The following PARD3 variants were observed in gnomAD, a reference collection of about 807,000 sequenced individuals.
PARD3 encodes partitioning defective 3 homolog.
In PARD3, 75 loss-of-function variants were observed where a neutral mutation model predicts 155.4. The observed-to-expected ratio is 0.48, with a 90% confidence interval of 0.40 to 0.58. The LOEUF (loss-of-function observed/expected upper bound fraction) is 0.58, where lower values mean the gene tolerates loss of function less well. Among genes scored for constraint, PARD3 ranks in the 20% least tolerant of loss-of-function variants. The pLI, the probability that PARD3 is intolerant of heterozygous loss-of-function variation, is 0.00. For missense variants in PARD3, 1,642 were observed against 1,721.7 expected, an observed-to-expected ratio of 0.95 and a Z score of 0.82; for synonymous variants, 576 against 610.5, an observed-to-expected ratio of 0.94 and a Z score of 0.83.
chr10:34,561,431 A>ATATTC (rs1234636270), intron 2 of PARD3, among the ~76,000 whole-genome samples: 14 of 152,200 alleles, frequency 9.2e-5, no homozygotes, highest in Non-Finnish European at 2.9e-5. Flanking sequence ...TATTCATTAA[A>ATATTC]ACTGGGTACA....
chr10:34,501,463 A>G (rs1743517741), intron 3 of PARD3, among the ~76,000 whole-genome samples: 1 of 152,166 alleles, frequency 6.6e-6, no homozygotes, highest in South Asian at 2.1e-4. Context: ...CAGAACAGTG[A>G]GCCAATGAAA....
rs1467561582 is a variant in PARD3, at chr10:34,395,863, A to G, written c.890+3467T>C. Among the ~76,000 whole-genome samples, 13 of 30,198 alleles carry G rather than the reference A, an allele frequency of 4.3e-4. 5 individuals carry two copies. Among genetic ancestry groups the G allele is most frequent in the African/African-American group, 2.2e-3 (2 of 902 alleles). The allele number at this position is 30,198 out of a possible 152,430, so 19.8% of individuals were successfully genotyped here. ...CGTCTCAAAAAAAAAAAAAAAAAAAAAAAAGAAAAACATCATCATGGGGAA... is the reference window on the plus strand; with the variant it reads ...CGTCTCAAAAAAAAAAAAAAAAAAAGAAAAGAAAAACATCATCATGGGGAA... On this transcript the variant is annotated intron_variant, in intron 7 of 24. Transcript: ENST00000374788.
intron 7 of PARD3, among the ~76,000 whole-genome samples, chr10:34,391,846 C>G (rs146388986): frequency 6.6e-6 from 1 of 152,106 alleles, no homozygotes; most frequent in Non-Finnish European, 1.5e-5. Context: ...AACTCAAAAA[C>G]GCAAAACATT....
intron 12 of PARD3, among the ~76,000 whole-genome samples, chr10:34,361,578 T>C (rs1010185136): frequency 2.6e-5 from 4 of 152,202 alleles, no homozygotes; most frequent in African/African-American, 9.7e-5. Context: ...GGCATAAACA[T>C]GCAATCTCAG....
intron 2 of PARD3, among the ~76,000 whole-genome samples, chr10:34,596,608 C>T (rs1014725010): frequency 1.3e-5 from 2 of 152,290 alleles, no homozygotes; most frequent in African/African-American, 4.8e-5. Context: ...TCACCCTCCA[C>T]GAGTTCCCTT....
chr10:34,194,426 ACTC>A (rs1950849566), intron 22 of PARD3, among the ~76,000 whole-genome samples: 1 of 152,140 alleles, frequency 6.6e-6, no homozygotes, highest in East Asian at 1.9e-4. Context: ...CCTGTGCCTC[ACTC>A]CTCCTGATGT....
At chr10:34,419,516 CA>C (rs973170375) in intron 5 of PARD3, among the ~76,000 whole-genome samples, 1 of 147,372 alleles carries the variant, frequency 6.8e-6, no homozygotes, top group African/African-American at 2.5e-5. Context: ...GACTCCGTCT[CA>C]AAAAAAAAGA....
At chr10:34,506,654 A>G (rs1298142335) in intron 3 of PARD3, among the ~76,000 whole-genome samples, 1 of 152,208 alleles carries the variant, frequency 6.6e-6, no homozygotes, top group East Asian at 1.9e-4. Context: ...GATCACTTAC[A>G]TGTTATTAAT....
intron 2 of PARD3, among the ~76,000 whole-genome samples, chr10:34,613,806 G>A (rs1334214890): frequency 6.6e-6 from 1 of 152,110 alleles, no homozygotes; most frequent in Admixed American, 6.5e-5. Context: ...AACCAACTAG[G>A]GTGAATGTGG....
At chr10:34,532,215 A>T (rs1373737698) in intron 2 of PARD3, among the ~76,000 whole-genome samples, 3 of 152,106 alleles carry the variant, frequency 2.0e-5, no homozygotes, top group Admixed American at 2.0e-4. Context: ...CTATATATAT[A>T]TTTTACACAT....
chr10:34,166,028 A>G (rs1564448118), intron 22 of PARD3, among the ~76,000 whole-genome samples: 1 of 152,192 alleles, frequency 6.6e-6, no homozygotes, highest in Non-Finnish European at 1.5e-5. Context: ...TGTTTTTAAA[A>G]TCAGTCACTT....
intron 5 of PARD3, among the ~76,000 whole-genome samples, chr10:34,434,187 G>A (rs1046823859): frequency 3.9e-5 from 6 of 152,316 alleles, no homozygotes; most frequent in Admixed American, 2.6e-4. Context: ...GAACAGGGTA[G>A]ATCTGGAGAC....
At chr10:34,344,847 G>A in intron 15 of PARD3, 7 of 985,342 alleles carry the variant, frequency 7.1e-6, no homozygotes, top group Non-Finnish European at 7.2e-6. Context: ...AGAAAAACAT[G>A]CATCCAAATT....
At chr10:34,576,405 T>G in intron 2 of PARD3, among the ~76,000 whole-genome samples, 1 of 151,978 alleles carries the variant, frequency 6.6e-6, no homozygotes, top group East Asian at 1.9e-4. Flanking sequence ...AAGGAATCTT[T>G]AAAAATAAAT....
rs145790133 is a variant in PARD3, at chr10:34,134,333, AG to A, written c.3420-2751del. On this transcript the variant is annotated intron_variant, in intron 22 of 24. Transcript: ENST00000374788. ...ATAGCTTTTATGGGAGGATTATAGG[AG>A]GTTTGACTGACAAAGTATTTTACAA... is the stretch of plus-strand genomic sequence containing the variant. 5.4e-3 allele frequency among the ~76,000 whole-genome samples: 817 copies of A among 152,300 alleles called. 3 individuals are homozygous for A. Among genetic ancestry groups the A allele is most frequent in the African/African-American group, 0.018 (738 of 41,560 alleles).
chr10:34,140,313 A>G (rs1948118826), intron 22 of PARD3, among the ~76,000 whole-genome samples: 1 of 152,210 alleles, frequency 6.6e-6, no homozygotes, highest in Non-Finnish European at 1.5e-5. Flanking sequence ...GAGCAGTATT[A>G]TGCCTTTATC....
intron 24 of PARD3, among the ~76,000 whole-genome samples, chr10:34,113,524 TAGAC>T (rs1564401952): frequency 6.7e-6 from 1 of 148,242 alleles, no homozygotes; most frequent in Non-Finnish European, 1.5e-5. Flanking sequence ...CACACACACA[TAGAC>T]ACACACACAC....
intron 2 of PARD3, among the ~76,000 whole-genome samples, chr10:34,529,177 G>A (rs1031307982): frequency 1.1e-4 from 17 of 152,210 alleles, no homozygotes; most frequent in African/African-American, 2.9e-4. Flanking sequence ...ATTGGGTGCC[G>A]TCCACACTTA....
rs576501484 is a variant in PARD3 at position 34,178,830 on chromosome 10, A to G, written c.3420-47247T>C. On this transcript the variant is annotated intron_variant, in intron 22 of 24. Transcript: ENST00000374788. ...CCTAATAGAATGCTTTCATAACTTT[A>G]ACAAGGACCCAGAGTATTATCATAA... Among the ~76,000 whole-genome samples the G allele has an allele frequency of 3.9e-5, 6 of 152,368 alleles. No homozygotes were observed. In the East Asian group the frequency reaches 5.8e-4, roughly 15 times the overall value.
Sources: gnomAD v4.1 joint callset for allele counts (sites outside exome capture counted in the v4.1 genomes callset) on GRCh38, gnomAD v4.1.1 for gene constraint, MANE v1.5 for transcripts, NCBI Gene and HGNC (gene_info 2026-07-23, HGNC 2026-07-21) for gene names.